The following FHL2 variants were observed in gnomAD, a reference collection of about 807,000 sequenced individuals.
The protein encoded by FHL2 is four and a half LIM domains 2, also known as four and a half LIM domains protein 2.
FHL2 carries 20 observed loss-of-function variants against 32.7 expected under a neutral mutation model. That is an observed-to-expected ratio of 0.61 (90% CI 0.43 to 0.89). FHL2 has a LOEUF of 0.89. Among genes scored for constraint, FHL2 ranks in the 40% least tolerant of loss-of-function variants. The probability of loss-of-function intolerance (pLI) is 0.00; values close to 1 mark genes in which losing one functional copy is unlikely to be tolerated. For synonymous variants in FHL2, 123 were observed against 128.1 expected (o/e 0.96, Z 0.27); for missense variants, 311 against 358.6 (o/e 0.87, Z 1.07).
downstream of FHL2, chr2:105,359,167 A>G (rs951012985): frequency 6.6e-6 from 1 of 151,974 alleles, no homozygotes; most frequent in Non-Finnish European, 1.5e-5. Context: ...AATTAGTCCA[A>G]TTGGAGCTAT....
At chr2:105,396,821 C>G (rs1683161801) in intron 1 of FHL2, 124 bp from the exon 2 acceptor site, 1 of 778,412 alleles carries the variant, frequency 1.3e-6, no homozygotes, top group Admixed American at 2.6e-5. Flanking sequence ...TAAAACCGCA[C>G]AGAAGAACCC....
At chr2:105,375,326 A>T (rs1681393479) in intron 3 of FHL2, 1 of 152,202 alleles carries the variant, frequency 6.6e-6, no homozygotes, top group South Asian at 2.1e-4. Flanking sequence ...GGCCTTTGTG[A>T]GGGGTGACCT....
intron 3 of FHL2, among the ~76,000 whole-genome samples, chr2:105,381,122 C>T (rs568398265): frequency 6.6e-6 from 1 of 152,260 alleles, no homozygotes; most frequent in South Asian, 2.1e-4. Context: ...CTTCGCACCC[C>T]ATTCCACCAG....
At chr2:105,368,056 T>A (rs1680761942) in intron 4 of FHL2, among the ~76,000 whole-genome samples, 1 of 152,226 alleles carries the variant, frequency 6.6e-6, no homozygotes, top group African/African-American at 2.4e-5. Flanking sequence ...ATGCAAAGTA[T>A]AAAGAGAAGT....
chr2:105,435,147 TA>T (rs1684568728), intron 1 of FHL2, among the ~76,000 whole-genome samples: 1 of 152,224 alleles, frequency 6.6e-6, no homozygotes, highest in Non-Finnish European at 1.5e-5. Flanking sequence ...GTTTGAGTTT[TA>T]AAAATCAAAA....
intron 3 of FHL2, among the ~76,000 whole-genome samples, chr2:105,385,699 C>T (rs945580707): frequency 4.6e-5 from 7 of 152,138 alleles, no homozygotes; most frequent in Non-Finnish European, 1.0e-4. Context: ...TTCAGCAATC[C>T]AGGTTGGAAC....
intron 1 of FHL2, among the ~76,000 whole-genome samples, chr2:105,418,589 G>T (rs961246209): frequency 2.6e-5 from 4 of 152,200 alleles, no homozygotes; most frequent in African/African-American, 9.7e-5. Context: ...ACATTTTTAT[G>T]AATACAACTG....
intron 2 of FHL2, among the ~76,000 whole-genome samples, chr2:105,393,026 G>T (rs967625105): frequency 4.0e-5 from 6 of 151,480 alleles, no homozygotes; most frequent in African/African-American, 1.5e-4. Flanking sequence ...TCGATCAAAG[G>T]AGGGGCTGCC....
intron 3 of FHL2, among the ~76,000 whole-genome samples, chr2:105,381,090 C>T (rs1185228781): frequency 3.9e-5 from 6 of 152,076 alleles, no homozygotes; most frequent in Non-Finnish European, 8.8e-5. Flanking sequence ...CAGACTGAAA[C>T]GTCTGGCTCT....
Position 105,437,675 on chromosome 2 carries a change from A to G in FHL2, c.-25+724T>C, listed in dbSNP as rs551734254. Among the ~76,000 whole-genome samples the G allele has an allele frequency of 3.3e-5, 5 of 152,340 alleles. No homozygotes were observed. In the East Asian group the frequency reaches 9.6e-4, roughly 29 times the overall value. On this transcript the variant is annotated intron_variant, in intron 1 of 5. Transcript: ENST00000393352. ...AAAGTGTCTTACATGGAGTCTGGCTAGAGGATGTTTATATATATGATGTCT... is the reference window on the plus strand; with the variant it reads ...AAAGTGTCTTACATGGAGTCTGGCTGGAGGATGTTTATATATATGATGTCT...
At chr2:105,423,353 T>A (rs1038671288) in intron 1 of FHL2, among the ~76,000 whole-genome samples, 12 of 152,226 alleles carry the variant, frequency 7.9e-5, no homozygotes, top group African/African-American at 2.7e-4. Context: ...GGTATAATTA[T>A]CTGCATTTTG....
At chr2:105,390,998 T>C (rs1032856757) in intron 2 of FHL2, among the ~76,000 whole-genome samples, 7 of 151,336 alleles carry the variant, frequency 4.6e-5, no homozygotes, top group Non-Finnish European at 7.4e-5. Flanking sequence ...TGTGTATGTG[T>C]ATTTTTTTTT....
At chr2:105,438,429 C>T (rs909256138) in exon 1 of FHL2, 33 of 985,478 alleles carry the variant, frequency 3.3e-5, no homozygotes, top group Non-Finnish European at 4.0e-5. Flanking sequence ...CTTCTGTCCT[C>T]CAGCCCGATG....
chr2:105,401,798 A>T (rs1250283331), upstream of FHL2, among the ~76,000 whole-genome samples: 1 of 152,204 alleles, frequency 6.6e-6, no homozygotes, highest in East Asian at 1.9e-4. Flanking sequence ...CTTTGTAGGT[A>T]GAAACCAACC....
chr2:105,415,814 TACCAGGGAC>T (rs1398163077), intron 1 of FHL2, among the ~76,000 whole-genome samples: 3 of 152,228 alleles, frequency 2.0e-5, no homozygotes, highest in Non-Finnish European at 4.4e-5. Flanking sequence ...CCAAGTTAAG[TACCAGGGAC>T]TCCTTGGAAC....
At position 105,412,804 on chromosome 2, in the gene FHL2, G is replaced by T. The variant is rs982950705; in HGVS notation, c.-25+25595C>A. Among the ~76,000 whole-genome samples, 3 of 152,188 alleles carry T rather than the reference G, an allele frequency of 2.0e-5. No individual in the cohort carries two copies. The South Asian group carries it at 6.2e-4, about 31-fold the overall frequency. Reference sequence around the variant, plus strand: ...ACAGCCGAGGAGCAGTGGCCAGGGGGTGCTGAGAGTGTGTTGCACGTGGCA... The same window carrying T: ...ACAGCCGAGGAGCAGTGGCCAGGGGTTGCTGAGAGTGTGTTGCACGTGGCA... On this transcript the variant is annotated intron_variant, in intron 1 of 5. Coordinates refer to the FHL2 transcript ENST00000393352.
At chr2:105,417,112 G>A (rs767864022) in intron 1 of FHL2, among the ~76,000 whole-genome samples, 2 of 152,196 alleles carry the variant, frequency 1.3e-5, no homozygotes, top group Non-Finnish European at 2.9e-5. Context: ...GGCCGGGCGC[G>A]GTGGCTCACG....
chr2:105,372,467 C>T lies in FHL2; in HGVS notation c.331+1092G>A, dbSNP rs559608550. ...GTCTCAAACTCCTGACCTCGTGATC[C>T]GCCCTCCTTAGCCTTGCAAAGTGCT... On this transcript the variant is annotated intron_variant, in intron 4 of 6. Coordinates refer to ENST00000530340, the MANE Select transcript of FHL2 (RefSeq NM_001318895.3). Among the ~76,000 whole-genome samples, 8 of 152,130 alleles carry T rather than the reference C, an allele frequency of 5.3e-5. No individual in the cohort carries two copies. In the South Asian group the frequency reaches 1.0e-3, roughly 20 times the overall value.
intron 1 of FHL2, among the ~76,000 whole-genome samples, chr2:105,431,466 G>T (rs1394057336): frequency 1.3e-5 from 2 of 152,168 alleles, no homozygotes; most frequent in Admixed American, 6.5e-5. Context: ...AAGGAGGAAG[G>T]CATGTGATTG....
Sources: gnomAD v4.1 joint callset for allele counts (sites outside exome capture counted in the v4.1 genomes callset) on GRCh38, gnomAD v4.1.1 for gene constraint, MANE v1.5 for transcripts, NCBI Gene and HGNC (gene_info 2026-07-23, HGNC 2026-07-21) for gene names.